The following KCNG3 variants were observed in gnomAD, a reference collection of about 807,000 sequenced individuals.
KCNG3 encodes the protein potassium voltage-gated channel modifier subfamily G member 3.
Under a neutral mutation model 29.0 loss-of-function variants are expected in KCNG3, and 15 were observed. The ratio of observed to expected loss-of-function variants is 0.52; its 90% CI spans 0.35 to 0.80. The LOEUF is 0.80. Ranked by LOEUF, KCNG3 falls within the 30% of genes least tolerant of loss-of-function variation. KCNG3 has a pLI of 0.01. For synonymous variants in KCNG3, 322 were observed against 248.9 expected (o/e 1.29, Z -2.76); for missense variants, 512 against 605.7 (o/e 0.85, Z 1.62).
intron 1 of KCNG3, among the ~76,000 whole-genome samples, chr2:42,472,824 A>C (rs1673321645): frequency 6.8e-6 from 1 of 147,968 alleles, no homozygotes; most frequent in African/African-American, 2.5e-5. Context: ...ATATATCTAG[A>C]TATCTATATA....
chr2:42,466,753 C>CA (rs1553329191), intron 1 of KCNG3, among the ~76,000 whole-genome samples: 2 of 134,270 alleles, frequency 1.5e-5, no homozygotes, highest in Non-Finnish European at 3.3e-5. Flanking sequence ...AATACTCTTC[C>CA]TTTTTTTTTT....
the KCNG3 span, among the ~76,000 whole-genome samples, chr2:42,397,169 C>T: frequency 6.6e-6 from 1 of 151,204 alleles, no homozygotes. Flanking sequence ...CGCTTAAACC[C>T]GGAGGTGGAG....
chr2:42,473,872 C>T (rs1673355008), intron 1 of KCNG3, among the ~76,000 whole-genome samples: 1 of 152,110 alleles, frequency 6.6e-6, no homozygotes, highest in South Asian at 2.1e-4. Flanking sequence ...TCAGGTTAGG[C>T]CAGGCGCGGT....
chr2:42,449,173 T>C (rs984871192), intron 1 of KCNG3, among the ~76,000 whole-genome samples: 3 of 152,174 alleles, frequency 2.0e-5, no homozygotes, highest in African/African-American at 4.8e-5. Flanking sequence ...TATCACTCAA[T>C]TGTGTTCTTC....
Position 42,493,433 on chromosome 2 carries a change from G to A in KCNG3, c.69C>T (p.Ser23=). Residue 23 remains serine, a synonymous_variant, in exon 1 of 2, where the codon TCC becomes TCT. Transcript: ENST00000306078. ...GCGGGAAGTCCTTCAGCAGCTCCCG[G>A]GACAGCGAATACCGGGCGCCGCCCA... The part of the protein sequence containing the change: ...LNVGGARYSL[S]RELLKDFPLR... 1.3e-6 allele frequency: 2 copies of A among 1,481,628 alleles called. No individual in the cohort carries two copies. The highest frequency in any genetic ancestry group is 1.4e-5 in the South Asian group (1 of 73,550). The allele number at this position is 1,481,628 out of a possible 1,614,324, so 91.8% of individuals were successfully genotyped here.
rs1336018981 is a variant in KCNG3, at chr2:42,471,170, GTGTGTGTGTGTGTGTA to G, written c.665+21651_665+21666del. 2.0e-5 allele frequency among the ~76,000 whole-genome samples: 3 copies of G among 150,686 alleles called. No individual in the cohort carries two copies. The East Asian group carries it at 5.9e-4, about 29-fold the overall frequency. On this transcript the variant is annotated intron_variant, in intron 1 of 1. Coordinates refer to ENST00000306078, the MANE Select transcript of KCNG3 (RefSeq NM_133329.6). ...GTCTCAAAAAAGTGTGTGTGTGTGT[GTGTGTGTGTGTGTGTA>G]TATATATATATATATTCACACAAAA... is the stretch of plus-strand genomic sequence containing the variant.
chr2:42,418,427 T>C, the KCNG3 span, among the ~76,000 whole-genome samples: 2 of 152,196 alleles, frequency 1.3e-5, no homozygotes, highest in African/African-American at 2.4e-5. Flanking sequence ...AAACATACTA[T>C]TAGAGAAAAA....
intron 1 of KCNG3, among the ~76,000 whole-genome samples, chr2:42,474,222 C>T (rs890192720): frequency 1.3e-5 from 2 of 151,532 alleles, no homozygotes; most frequent in Admixed American, 6.6e-5. Flanking sequence ...GAGTTCATCT[C>T]GGAGAGAAAA....
At chr2:42,411,477 T>C in the KCNG3 span, among the ~76,000 whole-genome samples, 1 of 152,074 alleles carries the variant, frequency 6.6e-6, no homozygotes, top group East Asian at 1.9e-4. Flanking sequence ...TCTTCATACA[T>C]GTCTTATATT....
chr2:42,407,093 T>A, the KCNG3 span, among the ~76,000 whole-genome samples: 38 of 152,162 alleles, frequency 2.5e-4, 1 homozygote, highest in East Asian at 7.1e-3. Flanking sequence ...ATTTGTTGGG[T>A]ACATGCTTCT....
the KCNG3 span, among the ~76,000 whole-genome samples, chr2:42,397,756 G>A: frequency 4.6e-5 from 7 of 152,258 alleles, no homozygotes; most frequent in South Asian, 1.4e-3. Flanking sequence ...TATCTTTCAT[G>A]AGTCTGAGTT....
At position 42,444,276 on chromosome 2, in the gene KCNG3, C is replaced by T; in HGVS notation, c.969G>A (p.Met323Ile). The change falls in exon 2 of 2, where the codon ATG becomes ATA. Residue 323 changes from methionine to isoleucine, a missense_variant. Physicochemically the swap from Met to Ile is conservative, Grantham distance 10. Coordinates refer to ENST00000306078, the MANE Select transcript of KCNG3 (RefSeq NM_133329.6). This position sits in a 1 kb window ranked among gnomAD's most constrained non-coding sequence, Gnocchi z 5.8. ...GLTLKRCYRE[M>I]VMLLVFICVA... is the part of the protein sequence containing the mutation. ...CACAAATGAAGACAAGTAACATAAC[C>T]ATCTCTCGGTAGCAACGTTTGAGAG... The T allele has an allele frequency of 6.2e-7, 1 of 1,614,128 alleles. No individual in the cohort carries two copies. Among genetic ancestry groups the T allele is most frequent in the South Asian group, 1.1e-5 (1 of 91,074 alleles).
At chr2:42,392,773 AT>A in the KCNG3 span, among the ~76,000 whole-genome samples, 1 of 152,066 alleles carries the variant, frequency 6.6e-6, no homozygotes, top group Non-Finnish European at 1.5e-5. Context: ...GGACGCAATG[AT>A]CTAGTAAGCT....
chr2:42,402,608 T>C, the KCNG3 span, among the ~76,000 whole-genome samples: 1 of 152,200 alleles, frequency 6.6e-6, no homozygotes, highest in Non-Finnish European at 1.5e-5. Flanking sequence ...GGGATAGAGA[T>C]TTTATCTTTT....
chr2:42,472,912 T>TTC (rs1558384676), intron 1 of KCNG3, among the ~76,000 whole-genome samples: 1 of 147,454 alleles, frequency 6.8e-6, no homozygotes, highest in African/African-American at 2.5e-5. Flanking sequence ...TATTTTTTTT[T>TTC]TTTTTTTGAA....
intron 1 of KCNG3, among the ~76,000 whole-genome samples, chr2:42,492,523 G>C (rs1673908924): frequency 6.6e-6 from 1 of 152,220 alleles, no homozygotes; most frequent in Non-Finnish European, 1.5e-5. Context: ...AATGTAATTA[G>C]CAGGTTGCTC....
intron 1 of KCNG3, among the ~76,000 whole-genome samples, chr2:42,464,440 G>C (rs968894975): frequency 6.6e-6 from 1 of 152,104 alleles, no homozygotes; most frequent in Non-Finnish European, 1.5e-5. Context: ...GAAACAATAA[G>C]CTAAGTGTTT....
At chr2:42,446,131 C>T (rs928082959) in intron 1 of KCNG3, among the ~76,000 whole-genome samples, 3 of 151,986 alleles carry the variant, frequency 2.0e-5, no homozygotes, top group East Asian at 1.9e-4. Flanking sequence ...ACACCTCTGG[C>T]CCTGTGAGCT....
Position 42,493,377 on chromosome 2 carries a change from C to T in KCNG3, c.125G>A (p.Arg42His). 1.3e-6 allele frequency: 2 copies of T among 1,552,104 alleles called. No individual in the cohort carries two copies. The highest frequency in any genetic ancestry group is 8.7e-7 in the Non-Finnish European group (1 of 1,149,494). Residue 42 changes from arginine (R) to histidine (H), a missense_variant, in exon 1 of 2, where the codon CGC becomes CAC. Arg to His is a conservative substitution (Grantham distance 29). This residue lies in a region of KCNG3 where 91 missense variants were observed against 91.1 expected (regional missense o/e 1.00). Transcript: ENST00000306078. ...CACCTCGAGCACGTCGCGCTCGGAG[C>T]GGCAGCCGTGCAGCCGGCTCACGCG... ...LRRVSRLHGC[R>H]SERDVLEVCD... is the part of the protein sequence containing the mutation.
Sources: gnomAD v4.1 joint callset for allele counts (sites outside exome capture counted in the v4.1 genomes callset) on GRCh38, gnomAD v4.1.1 for gene constraint, gnomAD v4.1.1 regional missense constraint, Gnocchi (gnomAD v3.1) non-coding constraint, MANE v1.5 for transcripts, NCBI Gene and HGNC (gene_info 2026-07-23, HGNC 2026-07-21) for gene names.